The following ZBTB16 variants were observed in gnomAD, a reference collection of about 807,000 sequenced individuals.
ZBTB16 encodes the protein zinc finger and BTB domain containing 16.
Under a neutral mutation model 56.8 loss-of-function variants are expected in ZBTB16, and 8 were observed. The ratio of observed to expected loss-of-function variants is 0.14; its 90% CI spans 0.08 to 0.25. The LOEUF (loss-of-function observed/expected upper bound fraction) is 0.25. ZBTB16 is among the 10% of genes least tolerant of loss of function. The pLI, the probability that ZBTB16 is intolerant of heterozygous loss-of-function variation, is 1.00. For synonymous variants in ZBTB16, 363 were observed against 368.5 expected (o/e 0.98, Z 0.17); for missense variants, 625 against 903.0 (o/e 0.69, Z 3.95).
chr11:114,191,600 A>G (rs553370540), intron 4 of ZBTB16, among the ~76,000 whole-genome samples: 1 of 152,344 alleles, frequency 6.6e-6, no homozygotes, highest in East Asian at 1.9e-4. Flanking sequence ...CTGCCTGCAC[A>G]TTGACTGAGT....
chr11:114,227,740 T>C (rs991633407), intron 4 of ZBTB16, among the ~76,000 whole-genome samples: 12 of 152,196 alleles, frequency 7.9e-5, no homozygotes, highest in Non-Finnish European at 7.3e-5. Flanking sequence ...TGGCTCTCCA[T>C]TGCAGATGGA....
chr11:114,125,657 G>A (rs1431196440), intron 2 of ZBTB16, among the ~76,000 whole-genome samples: 1 of 151,922 alleles, frequency 6.6e-6, no homozygotes, highest in Non-Finnish European at 1.5e-5. Flanking sequence ...TGTCCTCCAA[G>A]TCTCCTCCCC....
At chr11:114,193,126 G>A (rs2135079715) in intron 4 of ZBTB16, among the ~76,000 whole-genome samples, 1 of 152,332 alleles carries the variant, frequency 6.6e-6, no homozygotes, top group South Asian at 2.1e-4. Flanking sequence ...TTTCCCCAGA[G>A]ATCTTGTGGA....
intron 3 of ZBTB16, among the ~76,000 whole-genome samples, chr11:114,165,030 T>C (rs895437454): frequency 3.9e-5 from 6 of 152,192 alleles, no homozygotes; most frequent in Non-Finnish European, 5.9e-5. Flanking sequence ...GTCTTTTCTC[T>C]GTCTCTCTCT....
intron 2 of ZBTB16, among the ~76,000 whole-genome samples, chr11:114,096,488 G>A (rs543785778): frequency 2.6e-4 from 39 of 152,266 alleles, no homozygotes; most frequent in East Asian, 7.7e-4. Context: ...TGGTTTTCAT[G>A]TGCTGCCTCG....
chr11:114,230,738 T>A (rs17116706), intron 4 of ZBTB16, among the ~76,000 whole-genome samples: 9,260 of 152,168 alleles, frequency 0.061, 466 homozygotes, highest in African/African-American at 0.14. Context: ...TAGTTTTTCT[T>A]TTCATTGCCC....
chr11:114,169,434 G>A (rs1210541405), intron 3 of ZBTB16, among the ~76,000 whole-genome samples: 1 of 152,176 alleles, frequency 6.6e-6, no homozygotes, highest in Non-Finnish European at 1.5e-5. Flanking sequence ...TCTCTGGGGA[G>A]CGAAACATCA....
intron 3 of ZBTB16, among the ~76,000 whole-genome samples, chr11:114,173,544 G>T (rs1329048353): frequency 6.6e-6 from 1 of 152,196 alleles, no homozygotes; most frequent in Non-Finnish European, 1.5e-5. Flanking sequence ...TCTCTAGGAG[G>T]GATGCCTAGG....
intron 2 of ZBTB16, among the ~76,000 whole-genome samples, chr11:114,145,673 C>G (rs540368004): frequency 6.6e-6 from 1 of 152,114 alleles, no homozygotes; most frequent in South Asian, 2.1e-4. Flanking sequence ...CTAATGAGTA[C>G]GAGGTTTCTT....
At chr11:114,206,426 G>C (rs996086283) in intron 4 of ZBTB16, among the ~76,000 whole-genome samples, 1 of 152,118 alleles carries the variant, frequency 6.6e-6, no homozygotes, top group Non-Finnish European at 1.5e-5. Flanking sequence ...CCACAACTCT[G>C]TGCCATCTCC....
intron 3 of ZBTB16, among the ~76,000 whole-genome samples, chr11:114,173,018 A>G (rs1212648851): frequency 6.6e-6 from 1 of 152,218 alleles, no homozygotes; most frequent in African/African-American, 2.4e-5. Context: ...TAACACCTCA[A>G]TTATGGTGCA....
At chr11:114,176,406 G>A (rs1943115396) in intron 3 of ZBTB16, among the ~76,000 whole-genome samples, 1 of 152,150 alleles carries the variant, frequency 6.6e-6, no homozygotes, top group South Asian at 2.1e-4. Context: ...GAAAGCCCAG[G>A]TATTCCCTGG....
rs1943552899 is a variant in ZBTB16, at chr11:114,193,915, A to G, written c.1453+6877A>G. ...GACCATGGAGGCCTAGACACTACCCACTAGGAAGTAGAGAACTGGAACTTG... is the reference window on the plus strand; with the variant it reads ...GACCATGGAGGCCTAGACACTACCCGCTAGGAAGTAGAGAACTGGAACTTG... On this transcript the variant is annotated intron_variant, in intron 4 of 6. Coordinates refer to ENST00000335953, the MANE Select transcript of ZBTB16 (RefSeq NM_006006.6). 2.6e-5 allele frequency among the ~76,000 whole-genome samples: 4 copies of G among 152,328 alleles called. No individual in the cohort carries two copies. The East Asian group carries it at 5.8e-4, about 22-fold the overall frequency.
chr11:114,211,891 G>A (rs1198096329), intron 4 of ZBTB16, among the ~76,000 whole-genome samples: 1 of 152,214 alleles, frequency 6.6e-6, no homozygotes, highest in Non-Finnish European at 1.5e-5. Flanking sequence ...GAATGCTGAG[G>A]GGGGCCTCTT....
At chr11:114,163,211 C>G (rs1417905463) in intron 3 of ZBTB16, among the ~76,000 whole-genome samples, 2 of 145,784 alleles carry the variant, frequency 1.4e-5, no homozygotes, top group Non-Finnish European at 3.0e-5. Context: ...CCCAACCCCA[C>G]CCCCACCCCT....
At chr11:114,136,290 G>C (rs760821794) in intron 2 of ZBTB16, among the ~76,000 whole-genome samples, 1 of 152,184 alleles carries the variant, frequency 6.6e-6, no homozygotes, top group African/African-American at 2.4e-5. Context: ...AGCCCCCACT[G>C]TTTGGGGGCT....
chr11:114,176,202 TCTCTC>T (rs1434794012), intron 3 of ZBTB16, among the ~76,000 whole-genome samples: 2 of 152,140 alleles, frequency 1.3e-5, no homozygotes, highest in African/African-American at 4.8e-5. Context: ...ATTCTGAACT[TCTCTC>T]CTGAGAATCC....
At chr11:114,092,869 C>T (rs1940243299) in intron 2 of ZBTB16, among the ~76,000 whole-genome samples, 1 of 152,176 alleles carries the variant, frequency 6.6e-6, no homozygotes, top group African/African-American at 2.4e-5. Context: ...CCACCTTTCC[C>T]TGGCTCTTGA....
intron 3 of ZBTB16, among the ~76,000 whole-genome samples, chr11:114,172,251 C>T (rs1047808931): frequency 4.6e-5 from 7 of 152,280 alleles, no homozygotes; most frequent in African/African-American, 1.7e-4. Flanking sequence ...TTGTCCTGGG[C>T]AAGGCAGAAG....
Sources: gnomAD v4.1 joint callset for allele counts (sites outside exome capture counted in the v4.1 genomes callset) on GRCh38, gnomAD v4.1.1 for gene constraint, MANE v1.5 for transcripts, NCBI Gene and HGNC (gene_info 2026-07-23, HGNC 2026-07-21) for gene names.